The following MAP3K7 variants were observed in gnomAD, a reference collection of about 807,000 sequenced individuals.
MAP3K7 encodes mitogen-activated protein kinase kinase kinase 7, also known as TGF-beta activated kinase 1.
In MAP3K7, 21 loss-of-function variants were observed where a neutral mutation model predicts 84.8. That is an observed-to-expected ratio of 0.25 (90% CI 0.18 to 0.36). The LOEUF (loss-of-function observed/expected upper bound fraction) is 0.36, where lower values mean the gene tolerates loss of function less well. Among genes scored for constraint, MAP3K7 ranks in the 10% least tolerant of loss-of-function variants. MAP3K7 has a pLI of 1.00. For synonymous variants in MAP3K7, 241 were observed against 247.7 expected, an observed-to-expected ratio of 0.97 and a Z score of 0.25; for missense variants, 503 against 747.7, an observed-to-expected ratio of 0.67 and a Z score of 3.82.
intron 6 of MAP3K7, among the ~76,000 whole-genome samples, chr6:90,555,698 G>A (rs781121168): frequency 7.2e-5 from 11 of 152,112 alleles, no homozygotes; most frequent in Non-Finnish European, 1.6e-4. Flanking sequence ...CTGAATTAGT[G>A]AACACTGAAT....
rs141644226 is a variant in MAP3K7 at position 90,523,712 on chromosome 6, A to T, written c.1428T>A (p.Thr476=). Residue 476 remains threonine, a synonymous_variant, in exon 14 of 17, where the codon ACT becomes ACA. Transcript: ENST00000369329. ...TTSGPTSEKP[T]RSHPWTPDDS... is the part of the protein sequence containing the mutation. The stretch of plus-strand genomic sequence containing the variant: ...CATCAGGGGTCCATGGATGACTTCG[A>T]GTTGGCTTTTCTGAGGTTGGTCCTG... 2.2e-4 allele frequency: 352 copies of T among 1,613,566 alleles called. No individual in the cohort carries two copies. Among genetic ancestry groups the T allele is most frequent in the Non-Finnish European group, 2.9e-4 (338 of 1,179,604 alleles).
At chr6:90,557,150 G>C (rs1776361892) in intron 5 of MAP3K7, among the ~76,000 whole-genome samples, 1 of 152,072 alleles carries the variant, frequency 6.6e-6, no homozygotes, top group Non-Finnish European at 1.5e-5. Flanking sequence ...TGTGTGGGAG[G>C]AATACAAATC....
At chr6:90,550,638 T>A in intron 8 of MAP3K7, 89 bp from the exon 9 acceptor site, 1 of 776,856 alleles carries the variant, frequency 1.3e-6, no homozygotes, top group Non-Finnish European at 2.0e-6. Flanking sequence ...AGTTATATAC[T>A]AAATTTGTAG....
At chr6:90,584,050 ATTT>A (rs897803540) in intron 1 of MAP3K7, among the ~76,000 whole-genome samples, 2 of 151,980 alleles carry the variant, frequency 1.3e-5, no homozygotes, top group Admixed American at 1.3e-4. Flanking sequence ...TTGAATTATT[ATTT>A]TTTTTACAGT....
Position 90,556,210 on chromosome 6 carries a change from G to A in MAP3K7, c.607+290C>T, listed in dbSNP as rs35439229. On this transcript the variant is annotated intron_variant, in intron 6 of 16. Transcript: ENST00000369329. ...CTGCAAATAACCATGAAAGCACCATGAGTATTAATTTTGGGGTTACAAATA... is the reference window on the plus strand; with the variant it reads ...CTGCAAATAACCATGAAAGCACCATAAGTATTAATTTTGGGGTTACAAATA... Among the ~76,000 whole-genome samples, 334 of 152,350 alleles carry A rather than the reference G, an allele frequency of 2.2e-3. 2 individuals are homozygous for A. The highest frequency in any genetic ancestry group is 6.7e-3 in the African/African-American group (277 of 41,574).
chr6:90,513,970 T>C lies in MAP3K7; in HGVS notation c.*2531A>G, dbSNP rs928878940. On this transcript the variant is annotated 3_prime_UTR_variant, in exon 17 of 17. Transcript: ENST00000369329. Reference sequence around the variant, plus strand: ...GGTAAATATTCTTAACTGATTATTATTCAACTCAAAAAAGTGATTTTTATT... The same window carrying C: ...GGTAAATATTCTTAACTGATTATTACTCAACTCAAAAAAGTGATTTTTATT... 6 of 152,130 alleles carry C rather than the reference T, an allele frequency of 3.9e-5. No individual in the cohort carries two copies. The highest frequency in any genetic ancestry group is 7.2e-5 in the African/African-American group (3 of 41,446). 9.4% of individuals were successfully genotyped at this position (152,130 alleles called of 1,614,324 possible).
At chr6:90,554,304 A>G (rs1488463151) in intron 6 of MAP3K7, among the ~76,000 whole-genome samples, 2 of 152,220 alleles carry the variant, frequency 1.3e-5, no homozygotes, top group East Asian at 1.9e-4. Flanking sequence ...TTAGTGTTAC[A>G]GTTTTTTCCT....
chr6:90,529,711 T>C (rs796730751), intron 13 of MAP3K7, among the ~76,000 whole-genome samples: 7 of 152,326 alleles, frequency 4.6e-5, no homozygotes, highest in African/African-American at 1.7e-4. Flanking sequence ...TCTTTGAATT[T>C]TGGCTGTATA....
chr6:90,519,312 A>G lies in MAP3K7; in HGVS notation c.1470T>C (p.Asn490=). ...PWTPDDSTDT[N]GSDNSIPMAY... is the part of the protein sequence containing the mutation. ...CCATTGGGATGGAGTTATCTGATCC[A>G]TTGGTATCTGGAATTCAAGCATGTA... Residue 490 remains asparagine (N), a synonymous_variant, in exon 15 of 17, where the codon AAT becomes AAC. Coordinates refer to ENST00000369329, the MANE Select transcript of MAP3K7 (RefSeq NM_145331.3). 1.3e-6 allele frequency: 2 copies of G among 1,575,068 alleles called. No homozygotes were observed. Among genetic ancestry groups the G allele is most frequent in the Non-Finnish European group, 1.7e-6 (2 of 1,161,390 alleles).
chr6:90,584,262 AT>A (rs1777371177), intron 1 of MAP3K7, among the ~76,000 whole-genome samples: 1 of 152,210 alleles, frequency 6.6e-6, no homozygotes, highest in African/African-American at 2.4e-5. Context: ...ATAAGTGTTC[AT>A]GGTTCACCCT....
In MAP3K7 at chr6:90,533,985, CTATACT is replaced by C. The variant is rs376367819; in HGVS notation, c.1356+2346_1356+2351del. ...GTTGTAAGAATGCAATCTTTTACAC[CTATACT>C]TATATCATTACTTTTAATTAAGAAG... On this transcript the variant is annotated intron_variant, in intron 13 of 16. Coordinates refer to ENST00000369329, the MANE Select transcript of MAP3K7 (RefSeq NM_145331.3). Among the ~76,000 whole-genome samples the C allele has an allele frequency of 2.8e-3, 420 of 152,262 alleles. 4 individuals are homozygous for C. Among genetic ancestry groups the C allele is most frequent in the African/African-American group, 9.8e-3 (408 of 41,556 alleles).
chr6:90,515,417 G>A lies in MAP3K7; in HGVS notation c.*1084C>T, dbSNP rs1257230491. The A allele has an allele frequency of 2.0e-5, 3 of 151,858 alleles. No homozygotes were observed. Among genetic ancestry groups the A allele is most frequent in the African/African-American group, 4.8e-5 (2 of 41,408 alleles). 9.4% of individuals were successfully genotyped at this position (151,858 alleles called of 1,614,324 possible). A position where few individuals can be genotyped will look rare whatever the true frequency, so the allele number is the denominator to read the frequency against. ...AATTCTCTTGAAAGTGTTGAAAGGCGGCAGGCATTCTAGAACGGGATTGTA... is the reference window on the plus strand; with the variant it reads ...AATTCTCTTGAAAGTGTTGAAAGGCAGCAGGCATTCTAGAACGGGATTGTA... On this transcript the variant is annotated 3_prime_UTR_variant, in exon 17 of 17. Transcript: ENST00000369329.
chr6:90,549,090 G>A (rs1248602449), intron 9 of MAP3K7, among the ~76,000 whole-genome samples: 3 of 152,060 alleles, frequency 2.0e-5, no homozygotes, highest in African/African-American at 7.2e-5. Context: ...CAAGAGACAG[G>A]GGAGAATTGC....
intron 13 of MAP3K7, among the ~76,000 whole-genome samples, chr6:90,529,971 A>G (rs1178888134): frequency 6.6e-6 from 1 of 152,246 alleles, no homozygotes; most frequent in Non-Finnish European, 1.5e-5. Context: ...GTATATAAGA[A>G]TAACAACGAC....
chr6:90,548,668 A>T (rs1334401781), intron 9 of MAP3K7, among the ~76,000 whole-genome samples: 1 of 152,036 alleles, frequency 6.6e-6, no homozygotes, highest in Non-Finnish European at 1.5e-5. Context: ...GTGCAGACAG[A>T]TAAGTGAAGA....
At chr6:90,540,560 G>A (rs939595638) in intron 12 of MAP3K7, among the ~76,000 whole-genome samples, 10 of 152,102 alleles carry the variant, frequency 6.6e-5, no homozygotes, top group African/African-American at 1.9e-4. Context: ...TATCAGAGTA[G>A]AAGTGCAGAA....
chr6:90,514,040 T>C lies in MAP3K7; in HGVS notation c.*2461A>G, dbSNP rs1774882286. 1 of 127,874 alleles carries C rather than the reference T, an allele frequency of 7.8e-6. No individual in the cohort carries two copies. The highest frequency in any genetic ancestry group is 3.1e-5 in the African/African-American group (1 of 32,716). 7.9% of individuals were successfully genotyped at this position (127,874 alleles called of 1,614,324 possible). ...TAGATTAGATAAAAGCTTGCTTTCT[T>C]TTCCTGGAGTCAAGAGTAAAATGTA... is the stretch of plus-strand genomic sequence containing the variant. On this transcript the variant is annotated 3_prime_UTR_variant, in exon 17 of 17. Transcript: ENST00000369329.
Position 90,550,518 on chromosome 6 carries a change from T to C in MAP3K7, c.899A>G (p.Tyr300Cys). Reference protein sequence around the residue: ...YFPGADEPLQYPCQYSDEGQS... With the variant: ...YFPGADEPLQCPCQYSDEGQS... ...TCCTTCATCTGAATACTGACAAGGA[T>C]ACTGTAATGGCTCATCTGCTCCTGG... The change falls in exon 9 of 17, where the codon TAT becomes TGT. Residue 300 changes from tyrosine (Y) to cysteine (C), a missense_variant. Coordinates refer to ENST00000369329, the MANE Select transcript of MAP3K7 (RefSeq NM_145331.3). 1 of 1,611,676 alleles carries C rather than the reference T, an allele frequency of 6.2e-7. No individual in the cohort carries two copies. Among genetic ancestry groups the C allele is most frequent in the Non-Finnish European group, 8.5e-7 (1 of 1,178,350 alleles).
chr6:90,556,743 C>T, intron 5 of MAP3K7, 119 bp from the exon 6 acceptor site: 3 of 996,736 alleles, frequency 3.0e-6, no homozygotes, highest in South Asian at 1.8e-5. Context: ...TATCATTCAA[C>T]TTCTGTGAAA....
Sources: allele counts gnomAD v4.1 joint callset (sites outside exome capture counted in the v4.1 genomes callset), GRCh38; gene constraint gnomAD v4.1.1; transcripts MANE v1.5; gene names NCBI Gene and HGNC (gene_info 2026-07-23, HGNC 2026-07-21).